The following CTNNA3 variants were observed in gnomAD, a reference collection of about 807,000 sequenced individuals.
CTNNA3 encodes the protein catenin alpha-3.
In CTNNA3, 76 loss-of-function variants were observed where a neutral mutation model predicts 95.7. That is an observed-to-expected ratio of 0.79 (90% CI 0.66 to 0.96). CTNNA3 has a LOEUF of 0.96. Among genes scored for constraint, CTNNA3 ranks in the 40% least tolerant of loss-of-function variants. The pLI is 0.00. For synonymous variants in CTNNA3, 431 were observed against 374.4 expected, an observed-to-expected ratio of 1.15 and a Z score of -1.74; for missense variants, 1,191 against 1,089.8, an observed-to-expected ratio of 1.09 and a Z score of -1.31.
chr10:67,311,858 T>C (rs1176304271), intron 5 of CTNNA3, among the ~76,000 whole-genome samples: 1 of 152,018 alleles, frequency 6.6e-6, no homozygotes, highest in African/African-American at 2.4e-5. Context: ...CTCCCATTTT[T>C]TCAATTCATT....
intron 5 of CTNNA3, among the ~76,000 whole-genome samples, chr10:67,349,864 T>G (rs1383448581): frequency 6.6e-6 from 1 of 152,116 alleles, no homozygotes; most frequent in Non-Finnish European, 1.5e-5. Flanking sequence ...ACACAGTTGT[T>G]CAACACTCAT....
In CTNNA3 at chr10:66,082,307, T is replaced by C. The variant is rs543992712; in HGVS notation, c.1978-12818A>G. Among the ~76,000 whole-genome samples the C allele has an allele frequency of 4.6e-5, 7 of 152,226 alleles. No individual in the cohort carries two copies. In the East Asian group the frequency reaches 1.4e-3, roughly 29 times the overall value. ...CTGATTTGATGGACTGAGAAGGACA[T>C]GTTAGTTTTGTGATATTTCCTCCAA... On this transcript the variant is annotated intron_variant, in intron 14 of 17. Coordinates refer to ENST00000433211, the MANE Select transcript of CTNNA3 (RefSeq NM_013266.4).
chr10:67,572,619 G>T (rs1842014472), intron 3 of CTNNA3, among the ~76,000 whole-genome samples: 1 of 152,162 alleles, frequency 6.6e-6, no homozygotes, highest in Admixed American at 6.5e-5. Context: ...TATTTCCTAA[G>T]ATGTCTGCCT....
chr10:67,611,001 A>G (rs1843437591), intron 2 of CTNNA3, among the ~76,000 whole-genome samples: 1 of 152,214 alleles, frequency 6.6e-6, no homozygotes, highest in Non-Finnish European at 1.5e-5. Context: ...TCGTAGATAC[A>G]GGAAGGAACT....
chr10:67,566,070 T>TATATATATATATATATATATATAC (rs1193825437), intron 3 of CTNNA3, among the ~76,000 whole-genome samples: 5 of 102,516 alleles, frequency 4.9e-5, no homozygotes, highest in Non-Finnish European at 7.9e-5. Context: ...TATATATATA[T>TATATATATATATATATATATATAC]ATACAAAACC....
At chr10:67,689,163 G>A (rs1275187112) in intron 1 of CTNNA3, among the ~76,000 whole-genome samples, 1 of 152,134 alleles carries the variant, frequency 6.6e-6, no homozygotes, top group African/African-American at 2.4e-5. Flanking sequence ...TGAACTGGAC[G>A]GACATACCCT....
chr10:67,474,257 A>G (rs1847927241), intron 5 of CTNNA3, among the ~76,000 whole-genome samples: 1 of 152,198 alleles, frequency 6.6e-6, no homozygotes, highest in Non-Finnish European at 1.5e-5. Flanking sequence ...CCAGAATGTG[A>G]CTGTATTTTG....
chr10:66,415,069 G>A (rs1011680864), intron 11 of CTNNA3, among the ~76,000 whole-genome samples: 9 of 152,060 alleles, frequency 5.9e-5, no homozygotes, highest in African/African-American at 2.2e-4. Flanking sequence ...AACCCCCACT[G>A]GCAGGGCAGC....
At chr10:67,701,953 A>C (rs1841043540) in intron 1 of CTNNA3, among the ~76,000 whole-genome samples, 1 of 152,178 alleles carries the variant, frequency 6.6e-6, no homozygotes. Context: ...AATGGAAAAC[A>C]AAAAAAGGCA....
intron 13 of CTNNA3, among the ~76,000 whole-genome samples, chr10:66,140,996 C>T (rs1340786877): frequency 6.6e-6 from 1 of 152,088 alleles, no homozygotes; most frequent in African/African-American, 2.4e-5. Context: ...CACTGGCTCA[C>T]GCCTATAATC....
intron 1 of CTNNA3, among the ~76,000 whole-genome samples, chr10:67,739,981 C>G (rs1313683606): frequency 1.3e-5 from 2 of 152,084 alleles, no homozygotes; most frequent in East Asian, 3.8e-4. Context: ...TGGAACAGAA[C>G]AGAGCCCTCA....
chr10:66,200,398 T>C (rs1033887823), intron 13 of CTNNA3, among the ~76,000 whole-genome samples: 3 of 152,120 alleles, frequency 2.0e-5, no homozygotes, highest in African/African-American at 7.2e-5. Context: ...TGAACAAAAG[T>C]AAAATAACCT....
At chr10:65,990,404 T>TTC (rs1554826060) in intron 15 of CTNNA3, among the ~76,000 whole-genome samples, 27 of 150,610 alleles carry the variant, frequency 1.8e-4, no homozygotes, top group African/African-American at 6.1e-4. Flanking sequence ...TTTTTTTTTT[T>TTC]CCTTTTAATA....
intron 13 of CTNNA3, among the ~76,000 whole-genome samples, chr10:66,214,391 A>G (rs2088376349): frequency 6.6e-6 from 1 of 152,162 alleles, no homozygotes; most frequent in South Asian, 2.1e-4. Context: ...AAGGACAAAA[A>G]ATTTTAGTTA....
At chr10:66,442,093 T>G (rs745542846) in intron 11 of CTNNA3, among the ~76,000 whole-genome samples, 1 of 152,210 alleles carries the variant, frequency 6.6e-6, no homozygotes, top group Non-Finnish European at 1.5e-5. Flanking sequence ...GCTTCTGTAT[T>G]GAACACGTAC....
intron 5 of CTNNA3, among the ~76,000 whole-genome samples, chr10:67,253,953 T>C (rs1866224156): frequency 6.6e-6 from 1 of 152,152 alleles, no homozygotes; most frequent in African/African-American, 2.4e-5. Flanking sequence ...GTACTGTGTG[T>C]CCACTATATA....
chr10:66,265,452 C>T (rs2091124371), intron 13 of CTNNA3, among the ~76,000 whole-genome samples: 1 of 151,974 alleles, frequency 6.6e-6, no homozygotes, highest in Non-Finnish European at 1.5e-5. Flanking sequence ...AAAGCTATTA[C>T]AATAGTTATC....
At chr10:66,256,152 T>TTAATTTTTCTAAATTATGAGAAAC (rs1359576962) in intron 13 of CTNNA3, among the ~76,000 whole-genome samples, 4 of 152,170 alleles carry the variant, frequency 2.6e-5, no homozygotes, top group Non-Finnish European at 4.4e-5. Flanking sequence ...TAAGAAAACC[T>TTAATTTTTCTAAATTATGAGAAAC]GTTAATTTTT....
intron 13 of CTNNA3, among the ~76,000 whole-genome samples, chr10:66,160,291 C>G (rs993352338): frequency 1.3e-5 from 2 of 151,946 alleles, no homozygotes; most frequent in African/African-American, 4.8e-5. Flanking sequence ...TGTGCTCTTT[C>G]AGTCTTTTTG....
Sources: gnomAD v4.1 joint callset for allele counts (sites outside exome capture counted in the v4.1 genomes callset) on GRCh38, gnomAD v4.1.1 for gene constraint, MANE v1.5 for transcripts, NCBI Gene and HGNC (gene_info 2026-07-23, HGNC 2026-07-21) for gene names.